Variants in LTBP2 observed in about 807,000 individuals in gnomAD.
The protein encoded by LTBP2 is latent-transforming growth factor beta-binding protein 2.
Under a neutral mutation model 210.6 loss-of-function variants are expected in LTBP2, and 103 were observed. That is an observed-to-expected ratio of 0.49 (90% confidence interval 0.42 to 0.58). The LOEUF (loss-of-function observed/expected upper bound fraction) is 0.58. Among genes scored for constraint, LTBP2 ranks in the 20% least tolerant of loss-of-function variants. LTBP2 has a pLI of 0.00. For synonymous variants in LTBP2, 1,007 were observed against 1,015.0 expected (o/e 0.99, Z 0.15); for missense variants, 2,313 against 2,494.5 (o/e 0.93, Z 1.55).
rs1046811775 is a variant in LTBP2, at chr14:74,586,507, A to G, written c.566-389T>C. Among the ~76,000 whole-genome samples the G allele has an allele frequency of 6.6e-6, 1 of 152,230 alleles. No individual in the cohort carries two copies. Among genetic ancestry groups the G allele is most frequent in the African/African-American group, 2.4e-5 (1 of 41,464 alleles). The stretch of plus-strand genomic sequence containing the variant: ...CGGAACTTTGACTAGGGATTGCCAC[A>G]GAGTAGATTCTCAGTAAACATGGAG... On this transcript the variant is annotated intron_variant, in intron 2 of 35. Coordinates refer to ENST00000261978, the MANE Select transcript of LTBP2 (RefSeq NM_000428.3). This position sits in a 1 kb window ranked among gnomAD's most constrained non-coding sequence, Gnocchi z 4.6.
In LTBP2 at chr14:74,528,986, C is replaced by T. The variant is rs375863433; in HGVS notation, c.2124G>A (p.Glu708=). The T allele has an allele frequency of 1.2e-6, 2 of 1,610,328 alleles. No homozygotes were observed. The highest frequency in any genetic ancestry group is 1.3e-5 in the African/African-American group (1 of 75,046). The change falls in exon 11 of 36, where the codon GAG becomes GAA. Residue 708 remains glutamate, a synonymous_variant. Transcript: ENST00000261978. The part of the protein sequence containing the change: ...CSRVGKAWGS[E]CEKCPLPGTE... ...TGCCAGGCAGAGGGCATTTCTCACACTCGCTGCCCCATGCTTTGCCCACGC... is the reference window on the plus strand; with the variant it reads ...TGCCAGGCAGAGGGCATTTCTCACATTCGCTGCCCCATGCTTTGCCCACGC...
intron 8 of LTBP2, among the ~76,000 whole-genome samples, chr14:74,541,821 G>A (rs905908404): frequency 6.6e-6 from 1 of 152,132 alleles, no homozygotes; most frequent in African/African-American, 2.4e-5. Context: ...CAGATGCCTG[G>A]TAAGTGCTCC....
intron 2 of LTBP2, among the ~76,000 whole-genome samples, chr14:74,596,568 G>A (rs893095759): frequency 1.3e-5 from 2 of 152,376 alleles, no homozygotes; most frequent in Admixed American, 6.5e-5. Flanking sequence ...AGTTTCAGGT[G>A]GGATGTGTTG....
chr14:74,508,967 A>G lies in LTBP2; in HGVS notation c.3404-15T>C, dbSNP rs748111762. On this transcript the variant is annotated splice_polypyrimidine_tract_variant and intron_variant, in intron 22 of 35. Coordinates refer to ENST00000261978, the MANE Select transcript of LTBP2 (RefSeq NM_000428.3). ...TTCATCCACATCTGCAGGGCCACAC[A>G]GGGGAGGAAGACAGCCGATGGCAGC... 3 of 1,612,516 alleles carry G rather than the reference A, an allele frequency of 1.9e-6. No individual in the cohort carries two copies. The highest frequency in any genetic ancestry group is 4.5e-5 in the East Asian group (2 of 44,872).
At chr14:74,512,476 G>A (rs1397193435) in intron 18 of LTBP2, among the ~76,000 whole-genome samples, 1 of 152,226 alleles carries the variant, frequency 6.6e-6, no homozygotes, top group Non-Finnish European at 1.5e-5. Context: ...TTTCTGCAGA[G>A]GGACTAAAGC....
chr14:74,595,923 G>A (rs1222408017), intron 2 of LTBP2, among the ~76,000 whole-genome samples: 1 of 152,110 alleles, frequency 6.6e-6, no homozygotes, highest in African/African-American at 2.4e-5. Flanking sequence ...CAGGATGGGC[G>A]TGGTTGCTCA....
chr14:74,525,465 A>G (rs902175449), intron 14 of LTBP2, among the ~76,000 whole-genome samples: 6 of 152,254 alleles, frequency 3.9e-5, no homozygotes, highest in Non-Finnish European at 8.8e-5. Context: ...TGAGGCTTGC[A>G]GAAATGGTCA....
chr14:74,577,532 A>G (rs1328873409), intron 3 of LTBP2, among the ~76,000 whole-genome samples: 1 of 146,504 alleles, frequency 6.8e-6, no homozygotes, highest in Non-Finnish European at 1.5e-5. Context: ...TTCTTGAAAC[A>G]GAGTCTCACT....
At chr14:74,511,889 C>A (rs1309581691) in intron 18 of LTBP2, among the ~76,000 whole-genome samples, 1 of 152,210 alleles carries the variant, frequency 6.6e-6, no homozygotes, top group Non-Finnish European at 1.5e-5. Context: ...AGGCAGAGTG[C>A]AGACTGTAGG....
chr14:74,567,142 GAGGGGCACCCAGCCC>G (rs1566642439), intron 3 of LTBP2, among the ~76,000 whole-genome samples: 7 of 152,174 alleles, frequency 4.6e-5, no homozygotes, highest in Admixed American at 3.9e-4. Context: ...TAATGTCAGG[GAGGGGCACCCAGCCC>G]TTGCCTGCAG....
At chr14:74,611,195 C>A (rs1342855486) in intron 1 of LTBP2, among the ~76,000 whole-genome samples, 5 of 152,180 alleles carry the variant, frequency 3.3e-5, no homozygotes, top group African/African-American at 9.7e-5. Flanking sequence ...AGGCGCCTTG[C>A]GAAAGGATTT....
At chr14:74,594,581 T>C (rs2088330790) in intron 2 of LTBP2, among the ~76,000 whole-genome samples, 1 of 152,170 alleles carries the variant, frequency 6.6e-6, no homozygotes, top group African/African-American at 2.4e-5. Context: ...CGGGACAGTT[T>C]GCACCTCATC....
In LTBP2 at chr14:74,509,234, A is replaced by G; in HGVS notation, c.3403+4T>C. 6.2e-7 allele frequency: 1 copy of G among 1,613,318 alleles called. No individual in the cohort carries two copies. Among genetic ancestry groups the G allele is most frequent in the Non-Finnish European group, 8.5e-7 (1 of 1,179,770 alleles). ...TGTATCCTCTCCCACACAGAGGCTC[A>G]TACCTTCACAGGAGTCACCCAGGGG... On this transcript the variant is annotated splice_donor_region_variant and intron_variant, in intron 22 of 35. Transcript: ENST00000261978.
rs765953255 is a variant in LTBP2 at position 74,552,195 on chromosome 14, T to C, written c.1391A>G (p.Asn464Ser). ...KQSTFTLPLS[N>S]QLASVNPSLV... ...GCTGTGCCGGCACTCACCCAGCTGG[T>C]TGGAGAGCGGCAGTGTGAAAGTGGA... is the stretch of plus-strand genomic sequence containing the variant. Residue 464 changes from asparagine (N) to serine (S), a missense_variant, in exon 6 of 36, where the codon AAC (asparagine) becomes AGC (serine). Physicochemically the swap from Asn to Ser is conservative, Grantham distance 46 (BLOSUM62 1). Transcript: ENST00000261978. 2 of 1,480,228 alleles carry C rather than the reference T, an allele frequency of 1.4e-6. No individual in the cohort carries two copies. Among genetic ancestry groups the C allele is most frequent in the South Asian group, 2.3e-5 (2 of 88,432 alleles). The allele number at this position is 1,480,228 out of a possible 1,614,324, so 91.7% of individuals were successfully genotyped here.
At chr14:74,509,583 C>G (rs1427650159) in intron 21 of LTBP2, 151 bp downstream of exon 21, 1 of 1,248,580 alleles carries the variant, frequency 8.0e-7, no homozygotes, top group Non-Finnish European at 1.1e-6. Context: ...ACAATAGAAG[C>G]TCTTGTTGGG....
intron 3 of LTBP2, among the ~76,000 whole-genome samples, chr14:74,581,474 G>T (rs904778187): frequency 1.1e-4 from 17 of 152,148 alleles, no homozygotes; most frequent in Admixed American, 7.2e-4. Flanking sequence ...GGCAGGCAGA[G>T]GGGAGATCCA....
At position 74,502,840 on chromosome 14, in the gene LTBP2, G is replaced by A. The variant is rs560545275; in HGVS notation, c.4983C>T (p.Pro1661=). 37 of 1,614,088 alleles carry A rather than the reference G, an allele frequency of 2.3e-5. No homozygotes were observed. The highest frequency in any genetic ancestry group is 1.7e-4 in the Middle Eastern group (1 of 6,014). The change falls in exon 34 of 36, where the codon CCC becomes CCT. Residue 1661 remains proline, a synonymous_variant. Transcript: ENST00000261978. ...FRPGYEYGPG[P]DDLHYSIYGP... ...CATAGATGCTGTAGTGCAGGTCATC[G>A]GGCCCGGGGCCATACTCATAGCCTG...
chr14:74,563,617 T>A (rs1285691205), intron 3 of LTBP2, among the ~76,000 whole-genome samples: 1 of 152,118 alleles, frequency 6.6e-6, no homozygotes, highest in Non-Finnish European at 1.5e-5. Context: ...CATGTTTAAA[T>A]GGCGGAAAAG....
Position 74,500,307 on chromosome 14 carries a change from G to C in LTBP2, c.*577C>G, listed in dbSNP as rs1402818623. On this transcript the variant is annotated 3_prime_UTR_variant, in exon 36 of 36. Transcript: ENST00000261978. ...GAAGGGATCTTCTGCCACTCCTTGG[G>C]GTCAGAGAATGGGCTACAGGATGGA... 4.1e-6 allele frequency: 1 copy of C among 243,380 alleles called. No homozygotes were observed. The highest frequency in any genetic ancestry group is 5.0e-5 in the Admixed American group (1 of 19,886). 15.1% of individuals were successfully genotyped at this position (243,380 alleles called of 1,614,324 possible). A position where few individuals can be genotyped will look rare whatever the true frequency, so the allele number is the denominator to read the frequency against.
Sources: gnomAD v4.1 joint callset for allele counts (sites outside exome capture counted in the v4.1 genomes callset) on GRCh38, gnomAD v4.1.1 for gene constraint, Gnocchi (gnomAD v3.1) non-coding constraint, MANE v1.5 for transcripts, NCBI Gene and HGNC (gene_info 2026-07-23, HGNC 2026-07-21) for gene names.